MUC15: variants seen among roughly 807,000 people sequenced by gnomAD.
The protein encoded by MUC15 is mucin 15, cell surface associated.
MUC15 carries 23 observed loss-of-function variants against 24.0 expected under a neutral mutation model. The observed-to-expected ratio is 0.96, with a 90% confidence interval of 0.69 to 1.36. The LOEUF (loss-of-function observed/expected upper bound fraction) is 1.36, where lower values mean the gene tolerates loss of function less well. MUC15 is among the 40% of genes most tolerant of loss of function. The pLI is 0.00. For synonymous variants in MUC15, 151 were observed against 156.3 expected (o/e 0.97, Z 0.25); for missense variants, 442 against 428.2 (o/e 1.03, Z -0.29).
At position 26,565,457 on chromosome 11, in the gene MUC15, G is replaced by C. The variant is rs1232181447; in HGVS notation, c.483C>G (p.Ile161Met). 2 of 1,613,302 alleles carry C rather than the reference G, an allele frequency of 1.2e-6. No homozygotes were observed. The highest frequency in any genetic ancestry group is 4.5e-5 in the East Asian group (2 of 44,866). ...APIADEDLLP[I>M]SAHPNATPAL... ...CAGGTGTAGCATTGGGATGTGCTGA[G>C]ATGGGCAAAAGATCTTCATCTGCTA... Residue 161 changes from isoleucine to methionine, a missense_variant, in exon 3 of 5, where the codon ATC becomes ATG. Physicochemically the swap from Ile to Met is conservative, Grantham distance 10 (BLOSUM62 1). Transcript: ENST00000529533.
In MUC15 at chr11:26,561,059, T is replaced by A; in HGVS notation, c.*6A>T. ...CTTGCTGTTTAACGCCTTTTTGCTGTTAGTTCTATACAGAAGTACGAAGTG... is the reference window on the plus strand; with the variant it reads ...CTTGCTGTTTAACGCCTTTTTGCTGATAGTTCTATACAGAAGTACGAAGTG... On this transcript the variant is annotated 3_prime_UTR_variant, in exon 5 of 5. Transcript: ENST00000529533. 6.2e-7 allele frequency: 1 copy of A among 1,602,788 alleles called. No individual in the cohort carries two copies. The highest frequency in any genetic ancestry group is 8.5e-7 in the Non-Finnish European group (1 of 1,175,048).
At chr11:26,568,741 T>C (rs1414940637) in intron 1 of MUC15, among the ~76,000 whole-genome samples, 1 of 152,040 alleles carries the variant, frequency 6.6e-6, no homozygotes, top group Non-Finnish European at 1.5e-5. Flanking sequence ...CAATATTTAC[T>C]TAAATTGATG....
Position 26,560,903 on chromosome 11 carries a change from G to A in MUC15, c.*162C>T. 1 of 638,056 alleles carries A rather than the reference G, an allele frequency of 1.6e-6. No individual in the cohort carries two copies. Among genetic ancestry groups the A allele is most frequent in the Non-Finnish European group, 2.5e-6 (1 of 397,196 alleles). The allele number at this position is 638,056 out of a possible 1,614,324, so 39.5% of individuals were successfully genotyped here. A position where few individuals can be genotyped will look rare whatever the true frequency, so the allele number is the denominator to read the frequency against. ...ATTGTAAGAAAGAAAACCTTTGGAT[G>A]ATACATCCTGTCTACATTTCTGCTA... is the stretch of plus-strand genomic sequence containing the variant. On this transcript the variant is annotated 3_prime_UTR_variant, in exon 5 of 5. Coordinates refer to ENST00000529533, the MANE Select transcript of MUC15 (RefSeq NM_001135091.2).
rs774425391 is a variant in MUC15, at chr11:26,565,602, T to C, written c.338A>G (p.Asp113Gly). 1.2e-6 allele frequency: 2 copies of C among 1,613,100 alleles called. No individual in the cohort carries two copies. The highest frequency in any genetic ancestry group is 2.7e-5 in the African/African-American group (2 of 74,822). Reference protein sequence around the residue: ...NLPNNSHGITDFSSNSSAEHS... With the variant: ...NLPNNSHGITGFSSNSSAEHS... ...CTCTGCTGATGAGTTACTGGAGAAA[T>C]CTGTTATTCCGTGGCTGTTGTTGGG... The change falls in exon 3 of 5, where the codon GAT becomes GGT. Residue 113 changes from aspartate (D) to glycine (G), a missense_variant. By Grantham distance (94) the Asp-to-Gly change is moderately conservative (BLOSUM62 -1). Coordinates refer to ENST00000529533, the MANE Select transcript of MUC15 (RefSeq NM_001135091.2).
Position 26,565,303 on chromosome 11 carries a change from C to G in MUC15, c.637G>C (p.Glu213Gln), listed in dbSNP as rs1244661946. Reference protein sequence around the residue: ...TSPSVTPLIVEPSGWLTTNSD... With the variant: ...TSPSVTPLIVQPSGWLTTNSD... ...TTTGTGGTAAGCCATCCACTTGGTT[C>G]CACTATCAAGGGGGTCACAGATGGA... is the stretch of plus-strand genomic sequence containing the variant. The change falls in exon 3 of 5, where the codon GAA becomes CAA. Residue 213 changes from glutamate (E) to glutamine (Q), a missense_variant. Coordinates refer to ENST00000529533, the MANE Select transcript of MUC15 (RefSeq NM_001135091.2). The G allele has an allele frequency of 3.1e-6, 5 of 1,597,600 alleles. No homozygotes were observed. The highest frequency in any genetic ancestry group is 2.6e-6 in the Non-Finnish European group (3 of 1,170,576).
chr11:26,563,256 T>C lies in MUC15; in HGVS notation c.785A>G (p.Asn262Ser), dbSNP rs766915190. The change falls in exon 4 of 5, where the codon AAT becomes AGT. Residue 262 changes from asparagine to serine, a missense_variant. Transcript: ENST00000529533. ...AATGGCCCCGAATACTATTCCTGTA[T>C]TTCTATTTTCTACAGGACAAAAAAA... The part of the protein sequence containing the change: ...NTSDPQKENR[N>S]TGIVFGAILG... 1 of 1,596,264 alleles carries C rather than the reference T, an allele frequency of 6.3e-7. No individual in the cohort carries two copies. The highest frequency in any genetic ancestry group is 8.5e-7 in the Non-Finnish European group (1 of 1,172,788).
intron 1 of MUC15, among the ~76,000 whole-genome samples, chr11:26,571,699 A>T (rs1850834028): frequency 1.3e-5 from 2 of 152,168 alleles, no homozygotes; most frequent in Non-Finnish European, 2.9e-5. Flanking sequence ...CACTTTAAAC[A>T]TTTTGAAACC....
chr11:26,562,178 T>C (rs1850320342), intron 4 of MUC15, among the ~76,000 whole-genome samples: 1 of 151,940 alleles, frequency 6.6e-6, no homozygotes, highest in Non-Finnish European at 1.5e-5. Flanking sequence ...AAAACCACCG[T>C]TATAAATCCT....
chr11:26,565,300 G>T lies in MUC15; in HGVS notation c.640C>A (p.Pro214Thr). The change falls in exon 3 of 5, where the codon CCA (proline) becomes ACA (threonine). Residue 214 changes from proline (P) to threonine (T), a missense_variant. Pro to Thr is a conservative substitution (Grantham distance 38, BLOSUM62 -1). Transcript: ENST00000529533. ...SPSVTPLIVE[P>T]SGWLTTNSDS... is the part of the protein sequence containing the mutation. ...CTGTTTGTGGTAAGCCATCCACTTG[G>T]TTCCACTATCAAGGGGGTCACAGAT... 1.2e-6 allele frequency: 2 copies of T among 1,609,370 alleles called. No homozygotes were observed. The highest frequency in any genetic ancestry group is 1.7e-6 in the Non-Finnish European group (2 of 1,177,216).
chr11:26,563,425 G>GTGTC (rs1328786503), intron 3 of MUC15, among the ~76,000 whole-genome samples, 160 bp from the exon 4 acceptor site: 9 of 124,750 alleles, frequency 7.2e-5, no homozygotes, highest in African/African-American at 2.3e-4. Context: ...GTGTGTGTGT[G>GTGTC]TGTGTGTCTT....
At chr11:26,564,107 G>A (rs1461175718) in intron 3 of MUC15, among the ~76,000 whole-genome samples, 2 of 151,600 alleles carry the variant, frequency 1.3e-5, no homozygotes, top group Non-Finnish European at 1.5e-5. Context: ...AGAGAAGTAA[G>A]CTAACTAAAT....
At position 26,563,229 on chromosome 11, in the gene MUC15, A is replaced by C; in HGVS notation, c.812T>G (p.Leu271Ter). ...RNTGIVFGAI[L>*]GAILGVSLLT... is the part of the protein sequence containing the mutation. ...CAATGAGACACCCAGAATAGCACCT[A>C]AAATGGCCCCGAATACTATTCCTGT... Residue 271 changes from leucine (L) to a stop codon, truncating the protein, a stop_gained, in exon 4 of 5, where the codon TTA (leucine) becomes TGA (stop). Transcript: ENST00000529533. LOFTEE classifies it high-confidence loss of function. 1 of 1,610,672 alleles carries C rather than the reference A, an allele frequency of 6.2e-7. No homozygotes were observed. The highest frequency in any genetic ancestry group is 1.1e-5 in the South Asian group (1 of 90,664).
In MUC15 at chr11:26,560,292, AC is replaced by A. The variant is rs932496699; in HGVS notation, c.*772del. ...TATGTACAGGTATATTCTTTGGTTA[AC>A]TTTTTTTTTTTACCATGATTCTCAT... On this transcript the variant is annotated 3_prime_UTR_variant, in exon 5 of 5. Coordinates refer to ENST00000529533, the MANE Select transcript of MUC15 (RefSeq NM_001135091.2). 3.3e-5 allele frequency: 5 copies of A among 152,074 alleles called. No homozygotes were observed. The highest frequency in any genetic ancestry group is 1.2e-4 in the African/African-American group (5 of 41,466). 9.4% of individuals were successfully genotyped at this position (152,074 alleles called of 1,614,324 possible).
rs1330401128 is a variant in MUC15, at chr11:26,560,601, CT to C, written c.*463del. 1 of 153,536 alleles carries C rather than the reference CT, an allele frequency of 6.5e-6. No homozygotes were observed. The highest frequency in any genetic ancestry group is 1.5e-5 in the Non-Finnish European group (1 of 68,832). The allele number at this position is 153,536 out of a possible 1,614,324, so 9.5% of individuals were successfully genotyped here. On this transcript the variant is annotated 3_prime_UTR_variant, in exon 5 of 5. Transcript: ENST00000529533. Reference sequence around the variant, plus strand: ...ACTCTGGGCTATGTCCTCTTTTTAGCTTTAAGTCAAATTTTCTTTAAAAAGC... The same window carrying C: ...ACTCTGGGCTATGTCCTCTTTTTAGCTTAAGTCAAATTTTCTTTAAAAAGC...
At position 26,561,231 on chromosome 11, in the gene MUC15, A is replaced by G. The variant is rs547542216; in HGVS notation, c.926-6T>C. 6.3e-6 allele frequency: 10 copies of G among 1,597,284 alleles called. No homozygotes were observed. Among genetic ancestry groups the G allele is most frequent in the Admixed American group, 1.7e-5 (1 of 57,392 alleles). On this transcript the variant is annotated splice_region_variant and splice_polypyrimidine_tract_variant and intron_variant, in intron 4 of 4. Transcript: ENST00000529533. Reference sequence around the variant, plus strand: ...TGCATTGTCTAATCGCAGAACTAAAAAAGTAACAAAATAATACTGTTTCAC... The same window carrying G: ...TGCATTGTCTAATCGCAGAACTAAAGAAGTAACAAAATAATACTGTTTCAC...
In MUC15 at chr11:26,559,917, A is replaced by G. The variant is rs563616322; in HGVS notation, c.*1148T>C. The G allele has an allele frequency of 1.5e-6, 1 of 650,568 alleles. No homozygotes were observed. Among genetic ancestry groups the G allele is most frequent in the Non-Finnish European group, 2.7e-6 (1 of 371,446 alleles). The allele number at this position is 650,568 out of a possible 1,614,324, so 40.3% of individuals were successfully genotyped here. A position where few individuals can be genotyped will look rare whatever the true frequency, so the allele number is the denominator to read the frequency against. Reference sequence around the variant, plus strand: ...AATAAAGCCTCTAGGTTGGTACTTGATTTGTTTGCTCTCTTCATATATTCA... The same window carrying G: ...AATAAAGCCTCTAGGTTGGTACTTGGTTTGTTTGCTCTCTTCATATATTCA... On this transcript the variant is annotated 3_prime_UTR_variant, in exon 5 of 5. Coordinates refer to ENST00000529533, the MANE Select transcript of MUC15 (RefSeq NM_001135091.2).
chr11:26,564,390 T>C (rs540030617), intron 3 of MUC15, among the ~76,000 whole-genome samples: 1 of 150,680 alleles, frequency 6.6e-6, no homozygotes, highest in Admixed American at 6.7e-5. Flanking sequence ...AATCCTTAAG[T>C]AAACCACACT....
At chr11:26,570,889 G>C (rs7130788) in intron 1 of MUC15, among the ~76,000 whole-genome samples, 5,057 of 152,154 alleles carry the variant, frequency 0.033, 124 homozygotes, top group Middle Eastern at 0.078. Context: ...TCTTTTATGA[G>C]AGGGTTTTGG....
chr11:26,561,103 G>GA lies in MUC15; in HGVS notation c.1047dup (p.Pro350SerfsTer4), dbSNP rs1400777593. Reference sequence around the variant, plus strand: ...CGAAGTGGAGGTATGTCATCCATAGGAATGCCATCACGTGCATTTTCTTCA... The same window carrying GA: ...CGAAGTGGAGGTATGTCATCCATAGGAAATGCCATCACGTGCATTTTCTTCA... On this transcript the variant is annotated frameshift_variant, in exon 5 of 5. Transcript: ENST00000529533. LOFTEE classifies it high-confidence loss of function. 1.1e-5 allele frequency: 18 copies of GA among 1,612,104 alleles called. No homozygotes were observed. The highest frequency in any genetic ancestry group is 1.4e-5 in the Non-Finnish European group (17 of 1,178,976).
Sources: gnomAD v4.1 joint callset for allele counts (sites outside exome capture counted in the v4.1 genomes callset) on GRCh38, gnomAD v4.1.1 for gene constraint, MANE v1.5 for transcripts, NCBI Gene and HGNC (gene_info 2026-07-23, HGNC 2026-07-21) for gene names.